Variants in GALNT17 observed in about 807,000 individuals in gnomAD.
The protein encoded by GALNT17 is UDP-GalNAc:polypeptide N-acetylgalactosaminyltransferase-like 3.
GALNT17 carries 29 observed loss-of-function variants against 63.7 expected under a neutral mutation model. The ratio of observed to expected loss-of-function variants is 0.46; its 90% confidence interval spans 0.34 to 0.62. The LOEUF (loss-of-function observed/expected upper bound fraction) is 0.62, where lower values mean the gene tolerates loss of function less well. Ranked by LOEUF, GALNT17 falls within the 20% of genes least tolerant of loss-of-function variation. The pLI is 0.01. For missense variants in GALNT17, 603 were observed against 799.6 expected (o/e 0.75, Z 2.97); for synonymous variants, 305 against 318.3 (o/e 0.96, Z 0.45).
chr7:71,667,662 T>C (rs1384674269), intron 7 of GALNT17, among the ~76,000 whole-genome samples: 2 of 152,178 alleles, frequency 1.3e-5, no homozygotes, highest in Non-Finnish European at 2.9e-5. Context: ...ATTGAAGCTA[T>C]GAGAAGCTAA....
rs369921098 is a variant in GALNT17 at position 71,237,511 on chromosome 7, G to GAA, written c.239-98019_239-98018dup. On this transcript the variant is annotated intron_variant, in intron 1 of 10. Transcript: ENST00000333538. The stretch of plus-strand genomic sequence containing the variant: ...GCCAACATAGTAAGATCCCATCTCT[G>GAA]AAAAAAAAAAAAAAAAAAAAAGAAA... Among the ~76,000 whole-genome samples the GAA allele has an allele frequency of 1.0e-3, 78 of 78,086 alleles. 1 individual carries two copies. Among genetic ancestry groups the GAA allele is most frequent in the African/African-American group, 2.4e-3 (56 of 23,650 alleles). The allele number at this position is 78,086 out of a possible 152,430, so 51.2% of individuals were successfully genotyped here.
intron 3 of GALNT17, among the ~76,000 whole-genome samples, chr7:71,402,024 A>G (rs907729382): frequency 2.0e-5 from 3 of 152,206 alleles, no homozygotes; most frequent in African/African-American, 7.2e-5. Context: ...AAAGAGAGGA[A>G]TAAAATCCCA....
intron 9 of GALNT17, among the ~76,000 whole-genome samples, chr7:71,687,167 C>G (rs1331905595): frequency 1.3e-5 from 2 of 152,184 alleles, no homozygotes; most frequent in Admixed American, 1.3e-4. Flanking sequence ...TCTTCTCCGT[C>G]CTTTCCGAGA....
chr7:71,416,846 G>A (rs1786543035), intron 4 of GALNT17, among the ~76,000 whole-genome samples: 1 of 152,176 alleles, frequency 6.6e-6, no homozygotes, highest in African/African-American at 2.4e-5. Context: ...TTCGGAGGAA[G>A]GTGAAGCGCA....
chr7:71,407,085 G>T (rs1793341520), intron 3 of GALNT17, among the ~76,000 whole-genome samples: 1 of 152,118 alleles, frequency 6.6e-6, no homozygotes, highest in South Asian at 2.1e-4. Flanking sequence ...AGTTTCCATT[G>T]GGGTGGAGAG....
intron 5 of GALNT17, among the ~76,000 whole-genome samples, chr7:71,497,585 G>T (rs2116692037): frequency 6.6e-6 from 1 of 152,304 alleles, no homozygotes; most frequent in Non-Finnish European, 1.5e-5. Flanking sequence ...CAGGGTACTG[G>T]GGGTTAGGAT....
intron 5 of GALNT17, among the ~76,000 whole-genome samples, chr7:71,500,049 G>A (rs551894079): frequency 4.6e-5 from 7 of 152,252 alleles, no homozygotes; most frequent in South Asian, 2.1e-4. Context: ...CCAGCCATGC[G>A]GAGCTGTGAG....
At chr7:71,441,356 C>G (rs1053058940) in intron 5 of GALNT17, among the ~76,000 whole-genome samples, 2 of 152,158 alleles carry the variant, frequency 1.3e-5, no homozygotes, top group Non-Finnish European at 2.9e-5. Context: ...TCTCTTCCAA[C>G]CAATGAACTA....
At chr7:71,307,996 A>G (rs1791338392) in intron 1 of GALNT17, among the ~76,000 whole-genome samples, 1 of 151,848 alleles carries the variant, frequency 6.6e-6, no homozygotes, top group South Asian at 2.1e-4. Context: ...GACGTGCCTC[A>G]TTGAGCCTGA....
At chr7:71,355,660 G>A (rs1792271127) in intron 2 of GALNT17, among the ~76,000 whole-genome samples, 1 of 151,672 alleles carries the variant, frequency 6.6e-6, no homozygotes, top group Admixed American at 6.6e-5. Flanking sequence ...AGCCTTCCGA[G>A]TAGCTGGATT....
intron 2 of GALNT17, among the ~76,000 whole-genome samples, chr7:71,369,508 G>T: frequency 6.6e-6 from 1 of 152,054 alleles, no homozygotes; most frequent in Non-Finnish European, 1.5e-5. Context: ...GTTGGAGGAA[G>T]GTTGAAAAGA....
intron 1 of GALNT17, among the ~76,000 whole-genome samples, chr7:71,277,011 T>G (rs184355534): frequency 9.3e-4 from 142 of 151,934 alleles, no homozygotes; most frequent in African/African-American, 2.9e-3. Context: ...AATAAATAAA[T>G]AAATAAAGAA....
At chr7:71,203,645 G>A (rs1169238696) in intron 1 of GALNT17, among the ~76,000 whole-genome samples, 1 of 152,166 alleles carries the variant, frequency 6.6e-6, no homozygotes, top group African/African-American at 2.4e-5. Context: ...TTGGCTCATG[G>A]TTCTGCAGGC....
chr7:71,581,989 G>A (rs1789642569), intron 6 of GALNT17, among the ~76,000 whole-genome samples: 1 of 152,060 alleles, frequency 6.6e-6, no homozygotes, highest in Non-Finnish European at 1.5e-5. Context: ...GAGGACATAG[G>A]GATTCCTGCT....
At chr7:71,631,612 G>A (rs1222696801) in intron 6 of GALNT17, among the ~76,000 whole-genome samples, 1 of 152,188 alleles carries the variant, frequency 6.6e-6, no homozygotes, top group Non-Finnish European at 1.5e-5. Flanking sequence ...TCCAGTTGAG[G>A]AAGAGCAAGG....
At chr7:71,668,882 A>G (rs567158711) in intron 7 of GALNT17, among the ~76,000 whole-genome samples, 1 of 152,320 alleles carries the variant, frequency 6.6e-6, no homozygotes, top group South Asian at 2.1e-4. Context: ...ATGGAAAATT[A>G]TTTTCACTTC....
At chr7:71,139,571 C>CT (rs1308682433) in intron 1 of GALNT17, among the ~76,000 whole-genome samples, 1 of 152,076 alleles carries the variant, frequency 6.6e-6, no homozygotes, top group Non-Finnish European at 1.5e-5. Context: ...TGATAGGAAA[C>CT]CAAGACGCTC....
chr7:71,684,712 G>A (rs966919437), intron 9 of GALNT17, among the ~76,000 whole-genome samples: 2 of 152,130 alleles, frequency 1.3e-5, no homozygotes, highest in Non-Finnish European at 2.9e-5. Context: ...ATCTAGGCTG[G>A]AGTACAGTGG....
chr7:71,324,338 G>C (rs1282289619), intron 1 of GALNT17, among the ~76,000 whole-genome samples: 1 of 151,916 alleles, frequency 6.6e-6, no homozygotes, highest in Non-Finnish European at 1.5e-5. Context: ...GTGAGAATAG[G>C]GTCAGGAGAT....
Sources: gnomAD v4.1 joint callset for allele counts (sites outside exome capture counted in the v4.1 genomes callset) on GRCh38, gnomAD v4.1.1 for gene constraint, MANE v1.5 for transcripts, NCBI Gene and HGNC (gene_info 2026-07-23, HGNC 2026-07-21) for gene names.